CPAP: variants seen among roughly 807,000 people sequenced by gnomAD.
CPAP encodes the protein centrosomal P4.1-associated protein.
chr13:24,886,025 T>C, the CPAP span: 1 of 376,572 alleles, frequency 2.7e-6, no homozygotes, highest in South Asian at 2.2e-5. Context: ...ACTGGGTATT[T>C]AGTTAAAACA....
At chr13:24,912,742 GT>G in the CPAP span, 1 of 1,614,132 alleles carries the variant, frequency 6.2e-7, no homozygotes, top group Non-Finnish European at 8.5e-7. Context: ...GGCTGTATGG[GT>G]TTCAGATTTA....
the CPAP span, chr13:24,892,856 C>G: frequency 6.2e-7 from 1 of 1,601,988 alleles, no homozygotes; most frequent in East Asian, 2.2e-5. Context: ...CTGCTATTTG[C>G]TGTTTTAAAG....
the CPAP span, chr13:24,883,139 AAGTC>A: frequency 6.5e-7 from 1 of 1,535,612 alleles, no homozygotes; most frequent in Non-Finnish European, 9.0e-7. Context: ...TTAACATAAA[AAGTC>A]AGTTACTGTT....
the CPAP span, among the ~76,000 whole-genome samples, chr13:24,893,182 G>GT: frequency 3.0e-3 from 454 of 152,290 alleles, 1 homozygote; most frequent in Non-Finnish European, 4.7e-3. Flanking sequence ...AAGGGATCCA[G>GT]GGGGGAGATC....
chr13:24,931,416 T>C, the CPAP span, among the ~76,000 whole-genome samples: 1 of 148,462 alleles, frequency 6.7e-6, no homozygotes, highest in African/African-American at 2.5e-5. Context: ...CCAAAATCTC[T>C]TGTTGTTTCT....
At chr13:24,883,884 C>G in the CPAP span, 1 of 1,570,230 alleles carries the variant, frequency 6.4e-7, no homozygotes, top group African/African-American at 1.3e-5. Context: ...ATCAGAAACG[C>G]AAGGCTGGGG....
chr13:24,886,962 T>C, the CPAP span, among the ~76,000 whole-genome samples: 1 of 152,110 alleles, frequency 6.6e-6, no homozygotes. Context: ...ACCGTGGGCA[T>C]AGACAGGCTC....
the CPAP span, among the ~76,000 whole-genome samples, chr13:24,911,744 A>G: frequency 6.6e-6 from 1 of 151,848 alleles, no homozygotes; most frequent in Non-Finnish European, 1.5e-5. Flanking sequence ...AATGCCTTAA[A>G]GCAGGGCATG....
the CPAP span, chr13:24,883,448 GCC>G: frequency 1.7e-6 from 2 of 1,180,992 alleles, no homozygotes; most frequent in Non-Finnish European, 2.4e-6. Flanking sequence ...CTGAAAAGTA[GCC>G]TTTTGAGTCT....
chr13:24,884,582 A>C, the CPAP span: 1 of 966,758 alleles, frequency 1.0e-6, no homozygotes, highest in Non-Finnish European at 1.6e-6. Context: ...ATTCCCTCAA[A>C]AGATCCTTTA....
the CPAP span, chr13:24,884,018 G>T: frequency 1.0e-4 from 168 of 1,613,940 alleles, 2 homozygotes; most frequent in Non-Finnish European, 2.1e-5. Context: ...TGTCCATCAG[G>T]AAATAAGTTT....
the CPAP span, chr13:24,912,019 C>T: frequency 4.3e-6 from 7 of 1,613,956 alleles, no homozygotes; most frequent in African/African-American, 8.0e-5. Context: ...GTAGTTGCTC[C>T]AACTGTTGCC....
chr13:24,890,969 T>TA, the CPAP span, among the ~76,000 whole-genome samples: 78 of 149,936 alleles, frequency 5.2e-4, no homozygotes, highest in East Asian at 4.3e-3. Context: ...TTTACCGTCT[T>TA]AAAAAAAAAA....
the CPAP span, among the ~76,000 whole-genome samples, chr13:24,894,174 G>A: frequency 6.6e-6 from 1 of 152,178 alleles, no homozygotes; most frequent in Admixed American, 6.5e-5. Flanking sequence ...AGTCACATAG[G>A]GACTGAGGTT....
chr13:24,933,811 G>A, the CPAP span, among the ~76,000 whole-genome samples: 3 of 151,666 alleles, frequency 2.0e-5, no homozygotes, highest in Admixed American at 6.6e-5. Context: ...TGCAACTTCC[G>A]CCTCCTGAGT....
the CPAP span, chr13:24,911,862 T>C: frequency 2.6e-6 from 4 of 1,530,204 alleles, no homozygotes; most frequent in Non-Finnish European, 2.7e-6. Context: ...CAACACATGA[T>C]ACAGGAACGA....
the CPAP span, chr13:24,886,303 AC>A: frequency 7.8e-7 from 1 of 1,289,098 alleles, no homozygotes; most frequent in South Asian, 1.2e-5. Flanking sequence ...GCTGGATGTT[AC>A]GGGAGAATGG....
chr13:24,909,396 C>T, the CPAP span, among the ~76,000 whole-genome samples: 1 of 152,148 alleles, frequency 6.6e-6, no homozygotes, highest in South Asian at 2.1e-4. Flanking sequence ...GGCATGGTGG[C>T]ACATACCTGT....
chr13:24,908,945 T>C, the CPAP span, among the ~76,000 whole-genome samples: 15 of 152,208 alleles, frequency 9.9e-5, no homozygotes, highest in Non-Finnish European at 1.5e-4. Flanking sequence ...GATACCTGCA[T>C]ATTATTTTCA....
Sources: gnomAD v4.1 joint callset for allele counts (sites outside exome capture counted in the v4.1 genomes callset) on GRCh38, gnomAD v4.1.1 for gene constraint, MANE v1.5 for transcripts, NCBI Gene and HGNC (gene_info 2026-07-23, HGNC 2026-07-21) for gene names.